The following GRID1 variants were observed in gnomAD, a reference collection of about 807,000 sequenced individuals.
GRID1 encodes the protein glutamate ionotropic receptor delta type subunit 1, also known as glutamate receptor ionotropic, delta-1.
A neutral mutation model predicts 98.0 loss-of-function variants in GRID1; 28 were observed. That is an observed-to-expected ratio of 0.29 (90% CI 0.21 to 0.39). The LOEUF (loss-of-function observed/expected upper bound fraction) is 0.39. Among genes scored for constraint, GRID1 ranks in the 10% least tolerant of loss-of-function variants. The pLI is 1.00. For missense variants in GRID1, 1,111 were observed against 1,340.5 expected, an observed-to-expected ratio of 0.83 and a Z score of 2.67; for synonymous variants, 553 against 538.5, an observed-to-expected ratio of 1.03 and a Z score of -0.37.
At chr10:86,128,951 G>A (rs6585996) in intron 4 of GRID1, among the ~76,000 whole-genome samples, 65,647 of 152,074 alleles carry the variant, frequency 0.43, 17,601 homozygotes, top group African/African-American at 0.76. Context: ...ATCAAGTATT[G>A]ACTCCATTGA....
chr10:86,041,358 G>T (rs1460848273), intron 4 of GRID1, among the ~76,000 whole-genome samples: 1 of 152,140 alleles, frequency 6.6e-6, no homozygotes, highest in African/African-American at 2.4e-5. Flanking sequence ...TGCCTCCAAG[G>T]GCTTAGGGAG....
At chr10:86,333,918 T>C (rs1489358071) in intron 2 of GRID1, among the ~76,000 whole-genome samples, 2 of 152,098 alleles carry the variant, frequency 1.3e-5, no homozygotes, top group Non-Finnish European at 1.5e-5. Flanking sequence ...ACCTACACAG[T>C]TCAAACCAAT....
Position 85,602,297 on chromosome 10 carries a change from G to A in GRID1, c.3006C>T (p.Asp1002=). The change falls in exon 16 of 16, where the codon GAC becomes GAT. Residue 1002 remains aspartate (D), a synonymous_variant. Coordinates refer to ENST00000327946, the MANE Select transcript of GRID1 (RefSeq NM_017551.3). ...VPGGVLPEAL[D]TSHGTSI The stretch of plus-strand genomic sequence containing the variant: ...GTCAGATGGAGGTCCCGTGGGAGGT[G>A]TCCAGAGCCTCTGGAAGGACGCCTC... 3.3e-6 allele frequency: 5 copies of A among 1,536,436 alleles called. No individual in the cohort carries two copies. Among genetic ancestry groups the A allele is most frequent in the Non-Finnish European group, 4.4e-6 (5 of 1,141,000 alleles).
At chr10:85,970,108 A>G (rs1448591377) in intron 4 of GRID1, among the ~76,000 whole-genome samples, 1 of 152,000 alleles carries the variant, frequency 6.6e-6, no homozygotes, top group Non-Finnish European at 1.5e-5. Flanking sequence ...AACTGCTGAA[A>G]CTCTCTCAAA....
chr10:85,717,156 GAT>G (rs1841649052), intron 12 of GRID1, among the ~76,000 whole-genome samples: 1 of 152,184 alleles, frequency 6.6e-6, no homozygotes, highest in South Asian at 2.1e-4. Context: ...TGAGGTAACA[GAT>G]ATGTTACTTA....
At chr10:86,072,538 G>C (rs1486893708) in intron 4 of GRID1, among the ~76,000 whole-genome samples, 1 of 152,076 alleles carries the variant, frequency 6.6e-6, no homozygotes, top group African/African-American at 2.4e-5. Flanking sequence ...ATACAGATAC[G>C]TTTTCAGTAG....
chr10:86,153,508 T>A (rs1012485793), intron 3 of GRID1, among the ~76,000 whole-genome samples: 1 of 152,250 alleles, frequency 6.6e-6, no homozygotes, highest in Non-Finnish European at 1.5e-5. Context: ...AGGCTATTAA[T>A]GTCTATCCTA....
chr10:85,741,754 A>G (rs966010657), intron 8 of GRID1, among the ~76,000 whole-genome samples: 8 of 151,986 alleles, frequency 5.3e-5, no homozygotes, highest in Admixed American at 5.2e-4. Context: ...CATGGCCTGT[A>G]AGACTCACCA....
intron 5 of GRID1, among the ~76,000 whole-genome samples, chr10:85,870,414 A>G (rs1409802494): frequency 6.6e-6 from 1 of 152,184 alleles, no homozygotes; most frequent in East Asian, 1.9e-4. Flanking sequence ...CTGGCTCCTC[A>G]GTTTGCAGAC....
chr10:85,706,834 C>G (rs1166166014), intron 12 of GRID1, among the ~76,000 whole-genome samples: 1 of 152,128 alleles, frequency 6.6e-6, no homozygotes, highest in Non-Finnish European at 1.5e-5. Flanking sequence ...TGATCTTTGA[C>G]AAACCTGACA....
At chr10:85,996,180 C>T (rs936867364) in intron 4 of GRID1, among the ~76,000 whole-genome samples, 3 of 152,112 alleles carry the variant, frequency 2.0e-5, no homozygotes, top group Admixed American at 2.0e-4. Flanking sequence ...AAGATAAAAT[C>T]CAAAATTGCT....
At chr10:86,050,963 A>G (rs1843494075) in intron 4 of GRID1, among the ~76,000 whole-genome samples, 1 of 151,766 alleles carries the variant, frequency 6.6e-6, no homozygotes. Flanking sequence ...TAAAATATAC[A>G]TATTATTGGG....
chr10:86,097,514 C>T lies in GRID1; in HGVS notation c.726+41305G>A, dbSNP rs542082961. Among the ~76,000 whole-genome samples, 3 of 152,250 alleles carry T rather than the reference C, an allele frequency of 2.0e-5. No homozygotes were observed. In the East Asian group the frequency reaches 5.8e-4, roughly 29 times the overall value. On this transcript the variant is annotated intron_variant, in intron 4 of 15. Transcript: ENST00000327946. ...ATCTGTCTATCCATCTATCTGTCTA[C>T]CTATCTATCTAGCTATCTGTCTGTC...
intron 2 of GRID1, among the ~76,000 whole-genome samples, chr10:86,299,472 A>C (rs1032588441): frequency 4.0e-5 from 6 of 151,098 alleles, no homozygotes; most frequent in Non-Finnish European, 8.8e-5. Flanking sequence ...TCCTAATGCT[A>C]TCCCTCCCCC....
chr10:85,672,510 G>T (rs1024522044), intron 12 of GRID1, among the ~76,000 whole-genome samples: 3 of 152,138 alleles, frequency 2.0e-5, no homozygotes, highest in Admixed American at 1.3e-4. Context: ...GTTTCACCAT[G>T]TTGGTCAGGA....
intron 4 of GRID1, among the ~76,000 whole-genome samples, chr10:85,932,264 T>C (rs1382457378): frequency 6.6e-6 from 1 of 152,190 alleles, no homozygotes; most frequent in Admixed American, 6.5e-5. Context: ...CCAGGCTGAG[T>C]GCAGTGGCAC....
rs1266703309 is a variant in GRID1, at chr10:85,895,014, AAAAT to A, written c.780+21168_780+21171del. Among the ~76,000 whole-genome samples, 294 of 108,634 alleles carry A rather than the reference AAAAT, an allele frequency of 2.7e-3. 1 individual carries two copies. Among genetic ancestry groups the A allele is most frequent in the African/African-American group, 8.1e-3 (235 of 29,084 alleles). 71.3% of individuals were successfully genotyped at this position (108,634 alleles called of 152,430 possible). On this transcript the variant is annotated intron_variant, in intron 5 of 15. Coordinates refer to ENST00000327946, the MANE Select transcript of GRID1 (RefSeq NM_017551.3). Reference sequence around the variant, plus strand: ...AACTGGGACTCTCAAAAAAAAAAAAAAAATATATATATATATATATATATATGTA... The same window carrying A: ...AACTGGGACTCTCAAAAAAAAAAAAAATATATATATATATATATATATGTA...
intron 13 of GRID1, among the ~76,000 whole-genome samples, chr10:85,638,191 A>G (rs1275038845): frequency 6.6e-6 from 1 of 152,208 alleles, no homozygotes; most frequent in Non-Finnish European, 1.5e-5. Context: ...AGTGAAAATC[A>G]GTGAAGACAA....
At chr10:86,166,229 C>T (rs1226579672) in intron 3 of GRID1, among the ~76,000 whole-genome samples, 1 of 152,108 alleles carries the variant, frequency 6.6e-6, no homozygotes, top group East Asian at 1.9e-4. Flanking sequence ...TCGTCATTTA[C>T]ATTAGGTATA....
Sources: gnomAD v4.1 joint callset for allele counts (sites outside exome capture counted in the v4.1 genomes callset) on GRCh38, gnomAD v4.1.1 for gene constraint, MANE v1.5 for transcripts, NCBI Gene and HGNC (gene_info 2026-07-23, HGNC 2026-07-21) for gene names.